The following BPNT1 variants were observed in gnomAD, a reference collection of about 807,000 sequenced individuals.
The protein encoded by BPNT1 is 3'(2'), 5'-bisphosphate nucleotidase 1.
Under a neutral mutation model 36.9 loss-of-function variants are expected in BPNT1, and 28 were observed. The observed-to-expected ratio is 0.76, with a 90% CI of 0.56 to 1.04. The LOEUF (loss-of-function observed/expected upper bound fraction) is 1.04. Among genes scored for constraint, BPNT1 ranks in the 50% least tolerant of loss-of-function variants. The pLI, the probability that BPNT1 is intolerant of heterozygous loss-of-function variation, is 0.00. For missense variants in BPNT1, 313 were observed against 372.9 expected (o/e 0.84, Z 1.32); for synonymous variants, 119 against 130.9 (o/e 0.91, Z 0.62).
At chr1:220,087,450 G>A (rs1265513806) in intron 1 of BPNT1, among the ~76,000 whole-genome samples, 2 of 152,094 alleles carry the variant, frequency 1.3e-5, no homozygotes, top group African/African-American at 4.8e-5. Flanking sequence ...AGCTACTCAG[G>A]AGGCTGAGGC....
chr1:220,058,257 T>A lies in BPNT1; in HGVS notation c.*587A>T. On this transcript the variant is annotated 3_prime_UTR_variant, in exon 9 of 9. Transcript: ENST00000322067. ...CTGAACTGTCAATTGGAACTAAAGC[T>A]TTTTCTCATTTCTCCACCTAAATAC... The A allele has an allele frequency of 1.0e-6, 1 of 989,012 alleles. No homozygotes were observed. The highest frequency in any genetic ancestry group is 4.6e-5 in the South Asian group (1 of 21,672). The allele number at this position is 989,012 out of a possible 1,614,324, so 61.3% of individuals were successfully genotyped here.
chr1:220,069,879 T>C (rs1663895801), intron 4 of BPNT1, among the ~76,000 whole-genome samples: 1 of 151,700 alleles, frequency 6.6e-6, no homozygotes, highest in Non-Finnish European at 1.5e-5. Flanking sequence ...GAGGTAGCAG[T>C]GAGCAGAGAT....
At chr1:220,084,541 T>C (rs1485949377) in intron 1 of BPNT1, among the ~76,000 whole-genome samples, 1 of 152,164 alleles carries the variant, frequency 6.6e-6, no homozygotes, top group African/African-American at 2.4e-5. Flanking sequence ...TCAATTCCCA[T>C]GTTATATAAG....
At chr1:220,089,349 A>G (rs1370205036) in intron 1 of BPNT1, among the ~76,000 whole-genome samples, 1 of 152,046 alleles carries the variant, frequency 6.6e-6, no homozygotes, top group East Asian at 1.9e-4. Context: ...AATCACGCAA[A>G]CCTATAAATA....
At chr1:220,078,729 CTGTGAGTATAGG>C (rs1345634672) in intron 2 of BPNT1, among the ~76,000 whole-genome samples, 1 of 151,656 alleles carries the variant, frequency 6.6e-6, no homozygotes, top group Non-Finnish European at 1.5e-5. Flanking sequence ...TCCTGAGTAG[CTGTGAGTATAGG>C]TGTGCACCAC....
rs11292010 is a variant in BPNT1 at position 220,059,243 on chromosome 1, C to CTTTTTTTTTTTTTTTTTTTT, written c.779-271_779-252dup. Reference sequence around the variant, plus strand: ...TTAATTTTATTTAGCATTTTCTTTTCTTTTTTTTTTTTTTTTTTTTTTTTG... The same window carrying CTTTTTTTTTTTTTTTTTTTT: ...TTAATTTTATTTAGCATTTTCTTTTCTTTTTTTTTTTTTTTTTTTTTTTTTTTTTTTTTTTTTTTTTTTTG... On this transcript the variant is annotated intron_variant, in intron 8 of 8. Transcript: ENST00000322067. 5.2e-5 allele frequency among the ~76,000 whole-genome samples: 3 copies of CTTTTTTTTTTTTTTTTTTTT among 57,870 alleles called. 1 individual carries two copies. Among genetic ancestry groups the CTTTTTTTTTTTTTTTTTTTT allele is most frequent in the Non-Finnish European group, 9.0e-5 (3 of 33,348 alleles). The allele number at this position is 57,870 out of a possible 152,430, so 38.0% of individuals were successfully genotyped here.
Position 220,067,422 on chromosome 1 carries a change from A to G in BPNT1, c.383-29T>C, listed in dbSNP as rs377607501. 25 of 1,517,388 alleles carry G rather than the reference A, an allele frequency of 1.6e-5. No individual in the cohort carries two copies. The African/African-American group carries it at 2.5e-4, about 15-fold the overall frequency. The allele number at this position is 1,517,388 out of a possible 1,614,324, so 94.0% of individuals were successfully genotyped here. A position where few individuals can be genotyped will look rare whatever the true frequency, so the allele number is the denominator to read the frequency against. ...CAAAGAAGAAATAAATATCAGTTAT[A>G]TAACTTGCTCATATTATGACTCATC... is the stretch of plus-strand genomic sequence containing the variant. On this transcript the variant is annotated intron_variant, in intron 5 of 8. Coordinates refer to ENST00000322067, the MANE Select transcript of BPNT1 (RefSeq NM_006085.6).
intron 6 of BPNT1, among the ~76,000 whole-genome samples, chr1:220,066,619 C>A (rs1230295219): frequency 6.6e-6 from 1 of 152,126 alleles, no homozygotes; most frequent in Non-Finnish European, 1.5e-5. Flanking sequence ...ATTTCCTATA[C>A]AATTTAATGC....
chr1:220,070,150 C>A (rs1306470863), intron 4 of BPNT1, among the ~76,000 whole-genome samples: 1 of 152,106 alleles, frequency 6.6e-6, no homozygotes, highest in Non-Finnish European at 1.5e-5. Flanking sequence ...GTCTGATTAT[C>A]TTAAGGACAC....
At chr1:220,062,441 A>G (rs1219853737) in intron 7 of BPNT1, among the ~76,000 whole-genome samples, 1 of 151,812 alleles carries the variant, frequency 6.6e-6, no homozygotes, top group Non-Finnish European at 1.5e-5. Flanking sequence ...ATGATTTCCA[A>G]TTTCATCCAC....
At chr1:220,087,101 A>G (rs2102787889) in intron 1 of BPNT1, among the ~76,000 whole-genome samples, 1 of 151,806 alleles carries the variant, frequency 6.6e-6, no homozygotes, top group African/African-American at 2.4e-5. Flanking sequence ...ATATTTTGAT[A>G]TAAATACATT....
chr1:220,087,079 T>G (rs969939785), intron 1 of BPNT1, among the ~76,000 whole-genome samples: 1 of 151,596 alleles, frequency 6.6e-6, no homozygotes, highest in African/African-American at 2.4e-5. Context: ...GAGTCCTTTT[T>G]GCATTCTTTT....
At chr1:220,077,473 T>TC (rs1325601567) in intron 2 of BPNT1, among the ~76,000 whole-genome samples, 1 of 151,904 alleles carries the variant, frequency 6.6e-6, no homozygotes, top group Non-Finnish European at 1.5e-5. Flanking sequence ...GGATCACAGG[T>TC]CACTGCAGCC....
At chr1:220,085,475 A>G (rs1655627466) in intron 1 of BPNT1, among the ~76,000 whole-genome samples, 1 of 152,234 alleles carries the variant, frequency 6.6e-6, no homozygotes, top group Admixed American at 6.5e-5. Flanking sequence ...TAAAATGGAG[A>G]CAATAGTACT....
Position 220,089,710 on chromosome 1 carries a change from A to C in BPNT1, c.-33T>G, listed in dbSNP as rs1656122661. On this transcript the variant is annotated 5_prime_UTR_variant, in exon 1 of 9. Transcript: ENST00000322067. The stretch of plus-strand genomic sequence containing the variant: ...CCTGGAACAACGTTGGACCAAAGAC[A>C]CTTCAGGAGGAGCAAAAGCGCGTTA... 1 of 152,250 alleles carries C rather than the reference A, an allele frequency of 6.6e-6. No individual in the cohort carries two copies. Among genetic ancestry groups the C allele is most frequent in the Non-Finnish European group, 1.5e-5 (1 of 68,042 alleles). 9.4% of individuals were successfully genotyped at this position (152,250 alleles called of 1,614,324 possible).
rs752262821 is a variant in BPNT1, at chr1:220,073,948, T to C, written c.225+19A>G. Reference sequence around the variant, plus strand: ...TTGGTAAACAGAGATTTTAAAAAAATGTCTCTGATGACGCTTACCTCTTCC... The same window carrying C: ...TTGGTAAACAGAGATTTTAAAAAAACGTCTCTGATGACGCTTACCTCTTCC... On this transcript the variant is annotated intron_variant, in intron 3 of 8. Transcript: ENST00000322067. The C allele has an allele frequency of 3.1e-6, 5 of 1,601,304 alleles. No homozygotes were observed. In the South Asian group the frequency reaches 4.5e-5, roughly 14 times the overall value.
intron 1 of BPNT1, among the ~76,000 whole-genome samples, chr1:220,088,032 C>T (rs1655905607): frequency 1.3e-5 from 2 of 152,024 alleles, no homozygotes; most frequent in African/African-American, 4.8e-5. Flanking sequence ...CAAGCATCTC[C>T]ACACCTGGCT....
chr1:220,082,665 C>CA (rs1182306659), intron 1 of BPNT1, among the ~76,000 whole-genome samples: 16 of 151,970 alleles, frequency 1.1e-4, no homozygotes, highest in Non-Finnish European at 1.5e-5. Flanking sequence ...TGGCTCGCTG[C>CA]AACCTCTGTC....
intron 1 of BPNT1, among the ~76,000 whole-genome samples, chr1:220,086,300 T>A (rs1337900118): frequency 6.6e-6 from 1 of 152,200 alleles, no homozygotes; most frequent in Non-Finnish European, 1.5e-5. Context: ...ATATGTAGTC[T>A]CGCTCTGTCG....
Sources: allele counts gnomAD v4.1 joint callset (sites outside exome capture counted in the v4.1 genomes callset), GRCh38; gene constraint gnomAD v4.1.1; transcripts MANE v1.5; gene names NCBI Gene and HGNC (gene_info 2026-07-23, HGNC 2026-07-21).